Variants in USP48 observed in about 807,000 individuals in gnomAD.
USP48 encodes ubiquitin carboxyl-terminal hydrolase 48.
A neutral mutation model predicts 150.7 loss-of-function variants in USP48; 43 were observed. That is an observed-to-expected ratio of 0.29 (90% CI 0.22 to 0.37). The LOEUF (loss-of-function observed/expected upper bound fraction) is 0.37. USP48 is among the 10% of genes least tolerant of loss of function. USP48 has a pLI of 1.00. For synonymous variants in USP48, 396 were observed against 425.9 expected, an observed-to-expected ratio of 0.93 and a Z score of 0.86; for missense variants, 813 against 1,249.6, an observed-to-expected ratio of 0.65 and a Z score of 5.27.
intron 14 of USP48, among the ~76,000 whole-genome samples, chr1:21,717,324 A>G (rs1453735066): frequency 3.3e-5 from 5 of 152,078 alleles, no homozygotes; most frequent in Non-Finnish European, 7.4e-5. Context: ...GGACTGTTTG[A>G]GCCCATGAGG....
chr1:21,756,168 A>T (rs1410462686), intron 3 of USP48, among the ~76,000 whole-genome samples: 7 of 151,078 alleles, frequency 4.6e-5, no homozygotes, highest in African/African-American at 7.3e-5. Flanking sequence ...TGTCTTAAAA[A>T]AATAATAATA....
chr1:21,732,605 G>A, intron 9 of USP48: 1 of 221,120 alleles, frequency 4.5e-6, no homozygotes, highest in Non-Finnish European at 9.5e-6. Context: ...TTTAAAAACA[G>A]CACTCTATCC....
intron 15 of USP48, among the ~76,000 whole-genome samples, chr1:21,710,374 C>T (rs1377419040): frequency 6.6e-6 from 1 of 152,162 alleles, no homozygotes; most frequent in Non-Finnish European, 1.5e-5. Context: ...GTATATAATA[C>T]TTTGGGCCTC....
At position 21,697,625 on chromosome 1, in the gene USP48, T is replaced by C. The variant is rs577792560; in HGVS notation, c.2728-2404A>G. Among the ~76,000 whole-genome samples, 406 of 141,560 alleles carry C rather than the reference T, an allele frequency of 2.9e-3. 1 individual carries two copies. The highest frequency in any genetic ancestry group is 0.01 in the African/African-American group (389 of 37,788). The allele number at this position is 141,560 out of a possible 152,430, so 92.9% of individuals were successfully genotyped here. A position where few individuals can be genotyped will look rare whatever the true frequency, so the allele number is the denominator to read the frequency against. On this transcript the variant is annotated intron_variant, in intron 22 of 26. Coordinates refer to ENST00000308271, the MANE Select transcript of USP48 (RefSeq NM_032236.8). ...TTGCAGTGAGCTGAGATTGCACCAC[T>C]GCACTCCAGCCTGGGCAACAGGGCA... is the stretch of plus-strand genomic sequence containing the variant.
chr1:21,774,794 C>A (rs2097893137), intron 1 of USP48, among the ~76,000 whole-genome samples: 6 of 151,782 alleles, frequency 4.0e-5, no homozygotes, highest in Admixed American at 2.0e-4. Flanking sequence ...GAGTTTGAGA[C>A]CAGCCTGGCC....
chr1:21,771,709 C>T (rs1434785805), intron 1 of USP48, among the ~76,000 whole-genome samples: 2 of 151,834 alleles, frequency 1.3e-5, no homozygotes, highest in African/African-American at 4.8e-5. Context: ...CACCTGAGGT[C>T]GACAGTTCAA....
chr1:21,716,550 A>C (rs930216183), intron 14 of USP48, among the ~76,000 whole-genome samples: 1 of 152,254 alleles, frequency 6.6e-6, no homozygotes, highest in African/African-American at 2.4e-5. Flanking sequence ...AGGTTAACTG[A>C]AATCATGAAA....
chr1:21,779,705 G>C (rs1409836667), intron 1 of USP48, among the ~76,000 whole-genome samples: 1 of 151,996 alleles, frequency 6.6e-6, no homozygotes, highest in Non-Finnish European at 1.5e-5. Context: ...AAGTAGAAAT[G>C]ACCCAAATGT....
chr1:21,680,851 A>G lies in USP48; in HGVS notation c.3059-17T>C, dbSNP rs1408730573. ...GCATACAAACTGAAAAAAAGAAAAA[A>G]AGAAGAATTCCAAATTGAAAAGATT... On this transcript the variant is annotated splice_polypyrimidine_tract_variant and intron_variant, in intron 25 of 26. Coordinates refer to ENST00000308271, the MANE Select transcript of USP48 (RefSeq NM_032236.8). 7 of 1,579,506 alleles carry G rather than the reference A, an allele frequency of 4.4e-6. No individual in the cohort carries two copies.
chr1:21,687,351 CA>C, intron 24 of USP48, 112 bp from the exon 25 acceptor site: 4 of 986,890 alleles, frequency 4.1e-6, no homozygotes, highest in Non-Finnish European at 6.1e-6. Context: ...ACACACTGTC[CA>C]GTAGATAACT....
At chr1:21,757,916 T>C in intron 1 of USP48, 133 bp from the exon 2 acceptor site, 1 of 1,163,548 alleles carries the variant, frequency 8.6e-7, no homozygotes, top group Non-Finnish European at 1.2e-6. Context: ...GACACTCAGT[T>C]TGTGAGGGTG....
At chr1:21,754,568 T>TTTG (rs2152595175) in intron 3 of USP48, among the ~76,000 whole-genome samples, 1 of 152,270 alleles carries the variant, frequency 6.6e-6, no homozygotes, top group South Asian at 2.1e-4. Flanking sequence ...CAAATACTTC[T>TTTG]CCTTTGCCAG....
At chr1:21,776,725 G>A (rs981562846) in intron 1 of USP48, among the ~76,000 whole-genome samples, 24 of 151,968 alleles carry the variant, frequency 1.6e-4, no homozygotes, top group Admixed American at 8.5e-4. Flanking sequence ...AGGCCAAGGC[G>A]GGGGGATCAC....
chr1:21,771,875 G>A (rs889874282), intron 1 of USP48, among the ~76,000 whole-genome samples: 11 of 151,338 alleles, frequency 7.3e-5, no homozygotes, highest in Admixed American at 2.0e-4. Context: ...CCGAGATTGC[G>A]CCATTGCACT....
intron 9 of USP48, among the ~76,000 whole-genome samples, chr1:21,736,096 AT>A (rs970383696): frequency 3.3e-5 from 5 of 151,960 alleles, no homozygotes; most frequent in African/African-American, 1.2e-4. Flanking sequence ...TTTTGACAAA[AT>A]TTTTACCTGA....
At chr1:21,704,185 A>G in intron 20 of USP48, 77 bp downstream of exon 20, 1 of 1,529,106 alleles carries the variant, frequency 6.5e-7, no homozygotes, top group African/African-American at 1.4e-5. Flanking sequence ...AACTTTAAGC[A>G]GACAACACTG....
chr1:21,706,036 TACA>T, intron 18 of USP48, 87 bp downstream of exon 18: 1 of 1,381,066 alleles, frequency 7.2e-7, no homozygotes, highest in Non-Finnish European at 1.0e-6. Context: ...GAAGGAAGGG[TACA>T]ACAAACAGAA....
At chr1:21,748,344 A>T (rs1571958816) in intron 6 of USP48, 73 bp from the exon 7 acceptor site, 1 of 1,388,186 alleles carries the variant, frequency 7.2e-7, no homozygotes. Context: ...CCTTGATGTA[A>T]AGTATAATTT....
chr1:21,781,851 A>G (rs534970972), intron 1 of USP48: 3 of 152,334 alleles, frequency 2.0e-5, no homozygotes, highest in Admixed American at 2.0e-4. Context: ...AACATTCCAG[A>G]ACTTACTGTT....
Sources: gnomAD v4.1 joint callset for allele counts (sites outside exome capture counted in the v4.1 genomes callset) on GRCh38, gnomAD v4.1.1 for gene constraint, MANE v1.5 for transcripts, NCBI Gene and HGNC (gene_info 2026-07-23, HGNC 2026-07-21) for gene names.